The following HSPA12A variants were observed in gnomAD, a reference collection of about 807,000 sequenced individuals.
The protein encoded by HSPA12A is heat shock 70 kDa protein 12A.
Under a neutral mutation model 69.2 loss-of-function variants are expected in HSPA12A, and 28 were observed. That is an observed-to-expected ratio of 0.40 (90% CI 0.30 to 0.55). The LOEUF is 0.55. Among genes scored for constraint, HSPA12A ranks in the 20% least tolerant of loss-of-function variants. HSPA12A has a pLI of 0.38. For synonymous variants in HSPA12A, 345 were observed against 370.5 expected, an observed-to-expected ratio of 0.93 and a Z score of 0.79; for missense variants, 686 against 900.7, an observed-to-expected ratio of 0.76 and a Z score of 3.05.
chr10:116,726,572 T>C (rs1554885059), intron 1 of HSPA12A, among the ~76,000 whole-genome samples: 3 of 152,014 alleles, frequency 2.0e-5, no homozygotes, highest in Non-Finnish European at 2.9e-5. Flanking sequence ...GGGTAGACCA[T>C]CCCCAATTTC....
At chr10:116,768,907 TC>T (rs1844138103) in intron 2 of HSPA12A, among the ~76,000 whole-genome samples, 1 of 152,158 alleles carries the variant, frequency 6.6e-6, no homozygotes, top group Non-Finnish European at 1.5e-5. Context: ...TATCTTTAAC[TC>T]CAAGTCTCTG....
At chr10:116,694,445 T>C (rs1306943093) in intron 5 of HSPA12A, among the ~76,000 whole-genome samples, 2 of 152,162 alleles carry the variant, frequency 1.3e-5, no homozygotes, top group African/African-American at 2.4e-5. Context: ...GAAAGAAAGG[T>C]GCCAGCAAGT....
At chr10:116,682,880 T>G (rs1303805244) in intron 7 of HSPA12A, among the ~76,000 whole-genome samples, 3 of 148,844 alleles carry the variant, frequency 2.0e-5, no homozygotes, top group Non-Finnish European at 4.5e-5. Flanking sequence ...TTTTTTTTTT[T>G]TTTTTTTTGT....
intron 1 of HSPA12A, among the ~76,000 whole-genome samples, chr10:116,740,637 CGTGTGTGT>C (rs60427815): frequency 1.9e-3 from 263 of 137,778 alleles, no homozygotes; most frequent in Admixed American, 9.0e-3. Context: ...CTCCCAGCAC[CGTGTGTGT>C]GTGTGTGTGT....
intron 5 of HSPA12A, 137 bp from the exon 6 acceptor site, chr10:116,692,604 CA>C: frequency 1.5e-6 from 1 of 672,464 alleles, no homozygotes; most frequent in Middle Eastern, 2.9e-4. Context: ...AACTTACCAG[CA>C]TCAGAGAGCA....
Position 116,798,268 on chromosome 10 carries a change from C to T in HSPA12A, c.91+36667G>A, listed in dbSNP as rs547615731. Among the ~76,000 whole-genome samples the T allele has an allele frequency of 1.4e-4, 21 of 152,224 alleles. No homozygotes were observed. In the South Asian group the frequency reaches 4.4e-3, roughly 32 times the overall value. ...CTTCTGGAAGCCGTCTAAGATGAGA[C>T]GGCCACCAAGGTAACCAACTGTCTT... On this transcript the variant is annotated intron_variant, in intron 2 of 12. Transcript: ENST00000635765.
chr10:116,698,753 G>A lies in HSPA12A; in HGVS notation c.442-14C>T, dbSNP rs1439552145. On this transcript the variant is annotated splice_polypyrimidine_tract_variant and intron_variant, in intron 4 of 11. Coordinates refer to ENST00000369209, the MANE Select transcript of HSPA12A (RefSeq NM_025015.3). ...CATGGTGAGGTCCTGGTAGGAGGAA[G>A]AGGAACAATAGTAAGAAGATGACAC... The A allele has an allele frequency of 6.3e-7, 1 of 1,594,042 alleles. No individual in the cohort carries two copies. The highest frequency in any genetic ancestry group is 1.7e-5 in the Admixed American group (1 of 59,960).
chr10:116,679,144 C>G (rs1409564859), intron 10 of HSPA12A, among the ~76,000 whole-genome samples: 2 of 152,190 alleles, frequency 1.3e-5, no homozygotes, highest in African/African-American at 2.4e-5. Flanking sequence ...TACTGCATAC[C>G]AGGTTCTCTT....
intron 10 of HSPA12A, among the ~76,000 whole-genome samples, chr10:116,677,395 G>T (rs1401349732): frequency 6.6e-6 from 1 of 152,230 alleles, no homozygotes; most frequent in African/African-American, 2.4e-5. Context: ...GAACATGTTG[G>T]TAAGGAATCC....
rs1849095894 is a variant in HSPA12A, at chr10:116,671,967, G to A, written c.*2814C>T. ...TTTAAGGACTCTGACAACTGGGGCTGCAGCTCTGTGGCCAGAAGATAAAAT... is the reference window on the plus strand; with the variant it reads ...TTTAAGGACTCTGACAACTGGGGCTACAGCTCTGTGGCCAGAAGATAAAAT... On this transcript the variant is annotated 3_prime_UTR_variant, in exon 12 of 12. Coordinates refer to ENST00000369209, the MANE Select transcript of HSPA12A (RefSeq NM_025015.3). The A allele has an allele frequency of 6.6e-6, 1 of 152,332 alleles. No homozygotes were observed. Among genetic ancestry groups the A allele is most frequent in the Non-Finnish European group, 1.5e-5 (1 of 68,044 alleles). The allele number at this position is 152,332 out of a possible 1,614,324, so 9.4% of individuals were successfully genotyped here.
intron 2 of HSPA12A, among the ~76,000 whole-genome samples, chr10:116,802,819 T>C (rs909933599): frequency 2.0e-5 from 3 of 152,228 alleles, no homozygotes; most frequent in African/African-American, 7.2e-5. Context: ...GGCCGTATCA[T>C]GGGCCACAGA....
At chr10:116,773,524 C>G (rs188473295) in intron 2 of HSPA12A, among the ~76,000 whole-genome samples, 1 of 152,328 alleles carries the variant, frequency 6.6e-6, no homozygotes. Context: ...AGCAGTTCTG[C>G]CTCCCTTCTG....
intron 2 of HSPA12A, among the ~76,000 whole-genome samples, chr10:116,776,330 C>T (rs889780452): frequency 6.6e-5 from 10 of 152,340 alleles, no homozygotes; most frequent in African/African-American, 2.4e-4. Context: ...GCTGGTCTCA[C>T]CCCCAACAAA....
intron 2 of HSPA12A, among the ~76,000 whole-genome samples, chr10:116,769,070 C>T (rs1844141169): frequency 2.0e-5 from 3 of 152,196 alleles, no homozygotes; most frequent in Admixed American, 6.5e-5. Context: ...CAGCACAGCA[C>T]AGTGAGACAC....
chr10:116,747,857 G>T (rs1851684292), intron 2 of HSPA12A, among the ~76,000 whole-genome samples: 1 of 152,050 alleles, frequency 6.6e-6, no homozygotes, highest in Non-Finnish European at 1.5e-5. Flanking sequence ...AAATTAGCTG[G>T]GCATGGTGGT....
At chr10:116,816,003 T>C (rs1268003483) in intron 2 of HSPA12A, among the ~76,000 whole-genome samples, 2 of 152,198 alleles carry the variant, frequency 1.3e-5, no homozygotes, top group Non-Finnish European at 2.9e-5. Flanking sequence ...TGCTGAGCTG[T>C]GCAGGTGCAT....
rs188771289 is a variant in HSPA12A, at chr10:116,799,320, A to T, written c.91+35615T>A. ...AGGGCCTTCTGTTCCTTCATCTACT[A>T]AACAGCTTCTTTGGTTTCTTCTACT... On this transcript the variant is annotated intron_variant, in intron 2 of 12. Transcript: ENST00000635765. Among the ~76,000 whole-genome samples the T allele has an allele frequency of 4.8e-3, 731 of 152,256 alleles. 7 individuals are homozygous for T. The highest frequency in any genetic ancestry group is 0.017 in the African/African-American group (710 of 41,550).
At chr10:116,760,688 C>T (rs1372725862) in intron 2 of HSPA12A, among the ~76,000 whole-genome samples, 1 of 152,164 alleles carries the variant, frequency 6.6e-6, no homozygotes, top group Non-Finnish European at 1.5e-5. Flanking sequence ...AATGAGAACA[C>T]TAATAGCATT....
At chr10:116,682,623 T>C (rs1849447255) in intron 7 of HSPA12A, among the ~76,000 whole-genome samples, 1 of 152,148 alleles carries the variant, frequency 6.6e-6, no homozygotes, top group Non-Finnish European at 1.5e-5. Flanking sequence ...CCTATGTGGC[T>C]ATGAGAGGGC....
Sources: allele counts gnomAD v4.1 joint callset (sites outside exome capture counted in the v4.1 genomes callset), GRCh38; gene constraint gnomAD v4.1.1; transcripts MANE v1.5; gene names NCBI Gene and HGNC (gene_info 2026-07-23, HGNC 2026-07-21).